MET: variants seen among roughly 807,000 people sequenced by gnomAD.
The protein encoded by MET is hepatocyte growth factor receptor.
A neutral mutation model predicts 133.1 loss-of-function variants in MET; 48 were observed. The observed-to-expected ratio is 0.36, with a 90% confidence interval of 0.29 to 0.46. MET has a LOEUF of 0.46. MET is among the 20% of genes least tolerant of loss of function. The pLI is 1.00. For missense variants in MET, 1,442 were observed against 1,695.9 expected (o/e 0.85, Z 2.63); for synonymous variants, 628 against 616.5 (o/e 1.02, Z -0.28).
intron 1 of MET, among the ~76,000 whole-genome samples, chr7:116,681,334 TTTTACACCATTTTCATGACTGAAATA>T (rs753694421): frequency 0.024 from 3,602 of 152,188 alleles, 55 homozygotes; most frequent in Non-Finnish European, 0.035. Flanking sequence ...TTTATAAAGG[TTTTACACCATTTTCATGACTGAAATA>T]TTCTAGCATA....
At chr7:116,777,508 T>C in intron 16 of MET, 39 bp downstream of exon 16, 1 of 1,587,298 alleles carries the variant, frequency 6.3e-7, no homozygotes, top group Non-Finnish European at 8.7e-7. Flanking sequence ...TATACTTTTG[T>C]GGTTTGCAAC....
chr7:116,693,333 G>A (rs2283052), intron 1 of MET, among the ~76,000 whole-genome samples: 10,936 of 152,226 alleles, frequency 0.072, 557 homozygotes, highest in African/African-American at 0.14. Context: ...TTTCTATGGT[G>A]TCAATACAGC....
intron 1 of MET, among the ~76,000 whole-genome samples, chr7:116,697,830 T>C (rs1240050099): frequency 6.6e-6 from 1 of 152,216 alleles, no homozygotes; most frequent in African/African-American, 2.4e-5. Context: ...GTTTGTGCTA[T>C]GCAGGGTATT....
At chr7:116,746,956 A>G (rs998894755) in intron 5 of MET, among the ~76,000 whole-genome samples, 2 of 152,128 alleles carry the variant, frequency 1.3e-5, no homozygotes, top group African/African-American at 4.8e-5. Flanking sequence ...AAGAAACCCT[A>G]CAAGCCAGAA....
At chr7:116,726,478 C>T (rs1792790159) in intron 2 of MET, among the ~76,000 whole-genome samples, 2 of 151,828 alleles carry the variant, frequency 1.3e-5, no homozygotes, top group South Asian at 4.2e-4. Flanking sequence ...CACTATTTCC[C>T]TTTCCCAGCC....
chr7:116,718,062 A>C (rs1792314974), intron 2 of MET, among the ~76,000 whole-genome samples: 1 of 152,182 alleles, frequency 6.6e-6, no homozygotes, highest in Non-Finnish European at 1.5e-5. Flanking sequence ...CTTTGGGCTA[A>C]GGAAGCAAGT....
intron 1 of MET, among the ~76,000 whole-genome samples, chr7:116,685,304 C>T (rs1447872309): frequency 6.6e-6 from 1 of 152,174 alleles, no homozygotes; most frequent in Non-Finnish European, 1.5e-5. Context: ...TAATTTAAAT[C>T]TCTAGCCCAG....
Position 116,770,028 on chromosome 7 carries a change from G to A in MET, c.2730+237G>A, listed in dbSNP as rs930161646. On this transcript the variant is annotated intron_variant, in intron 12 of 20. Transcript: ENST00000397752. ...TCTACCCACACTGCTTCTCCATCAC[G>A]CCACACTCTTCCCAAAATTTGCTGT... is the stretch of plus-strand genomic sequence containing the variant. 9 of 565,290 alleles carry A rather than the reference G, an allele frequency of 1.6e-5. No homozygotes were observed. In the East Asian group the frequency reaches 1.6e-4, roughly 10 times the overall value. The allele number at this position is 565,290 out of a possible 1,614,324, so 35.0% of individuals were successfully genotyped here. A position where few individuals can be genotyped will look rare whatever the true frequency, so the allele number is the denominator to read the frequency against.
chr7:116,711,510 T>C (rs1339335868), intron 2 of MET, among the ~76,000 whole-genome samples: 4 of 152,226 alleles, frequency 2.6e-5, no homozygotes, highest in Admixed American at 6.5e-5. Flanking sequence ...GTATTCCTTC[T>C]TCAAAATAAA....
intron 1 of MET, among the ~76,000 whole-genome samples, chr7:116,688,576 T>G (rs1796659310): frequency 6.6e-6 from 1 of 152,232 alleles, no homozygotes; most frequent in Admixed American, 6.5e-5. Flanking sequence ...ATTTTTTACA[T>G]TATGTACAAT....
intron 14 of MET, among the ~76,000 whole-genome samples, chr7:116,773,419 C>T (rs963595693): frequency 2.0e-5 from 3 of 152,184 alleles, no homozygotes; most frequent in African/African-American, 4.8e-5. Context: ...TGAAGAGTCA[C>T]GTTTTCATGC....
intron 2 of MET, among the ~76,000 whole-genome samples, chr7:116,726,094 A>T (rs1792740892): frequency 7.7e-6 from 1 of 129,426 alleles, no homozygotes; most frequent in Non-Finnish European, 1.7e-5. Flanking sequence ...TAATATATTC[A>T]GTCTATCACT....
intron 2 of MET, among the ~76,000 whole-genome samples, chr7:116,702,829 A>G (rs1169475877): frequency 6.6e-6 from 1 of 152,130 alleles, no homozygotes; most frequent in Non-Finnish European, 1.5e-5. Flanking sequence ...CTGGCACTCC[A>G]AGAGCTCTCC....
chr7:116,685,201 C>A (rs1796505689), intron 1 of MET, among the ~76,000 whole-genome samples: 1 of 152,204 alleles, frequency 6.6e-6, no homozygotes, highest in African/African-American at 2.4e-5. Context: ...CGCCATCACT[C>A]AGTCCTCCTC....
intron 2 of MET, among the ~76,000 whole-genome samples, chr7:116,713,658 G>T (rs1792087134): frequency 6.6e-6 from 1 of 152,140 alleles, no homozygotes; most frequent in Non-Finnish European, 1.5e-5. Context: ...GAAACAAGGG[G>T]AGCAGATAAG....
At chr7:116,759,753 T>A (rs938520332) in intron 10 of MET, among the ~76,000 whole-genome samples, 1 of 152,128 alleles carries the variant, frequency 6.6e-6, no homozygotes, top group Non-Finnish European at 1.5e-5. Flanking sequence ...TGAGACAGTG[T>A]TTTTTTATGT....
intron 11 of MET, among the ~76,000 whole-genome samples, chr7:116,763,999 A>T (rs1794512057): frequency 6.6e-6 from 1 of 152,214 alleles, no homozygotes; most frequent in African/African-American, 2.4e-5. Flanking sequence ...CAAAATATTT[A>T]TCCTTCAACA....
chr7:116,787,864 A>T (rs1795366193), intron 19 of MET, among the ~76,000 whole-genome samples: 1 of 152,236 alleles, frequency 6.6e-6, no homozygotes, highest in Non-Finnish European at 1.5e-5. Flanking sequence ...CCACATGAAG[A>T]TTTGTACATG....
At chr7:116,723,738 T>A (rs563463841) in intron 2 of MET, among the ~76,000 whole-genome samples, 2 of 152,004 alleles carry the variant, frequency 1.3e-5, no homozygotes, top group Non-Finnish European at 2.9e-5. Flanking sequence ...TGGAGTACCC[T>A]GCCGTGTGAG....
Sources: allele counts gnomAD v4.1 joint callset (sites outside exome capture counted in the v4.1 genomes callset), GRCh38; gene constraint gnomAD v4.1.1; transcripts MANE v1.5; gene names NCBI Gene and HGNC (gene_info 2026-07-23, HGNC 2026-07-21).